Variants in PDE1A observed in about 807,000 individuals in gnomAD.
PDE1A encodes the protein phosphodiesterase 1A.
A neutral mutation model predicts 61.7 loss-of-function variants in PDE1A; 35 were observed. The ratio of observed to expected loss-of-function variants is 0.57; its 90% CI spans 0.43 to 0.75. PDE1A has a LOEUF of 0.75. Among genes scored for constraint, PDE1A ranks in the 30% least tolerant of loss-of-function variants. PDE1A has a pLI of 0.00. For missense variants in PDE1A, 597 were observed against 630.6 expected, an observed-to-expected ratio of 0.95 and a Z score of 0.57; for synonymous variants, 232 against 213.2, an observed-to-expected ratio of 1.09 and a Z score of -0.77.
chr2:182,496,232 T>C (rs1055303386), intron 2 of PDE1A, among the ~76,000 whole-genome samples: 1 of 152,140 alleles, frequency 6.6e-6, no homozygotes, highest in African/African-American at 2.4e-5. Flanking sequence ...TACAAAATAT[T>C]GTACTAGGCT....
chr2:182,223,758 GTTC>G, intron 7 of PDE1A, 103 bp downstream of exon 7: 1 of 639,036 alleles, frequency 1.6e-6, no homozygotes, highest in East Asian at 3.2e-5. Context: ...AATTAAACCT[GTTC>G]TTATTAGAAT....
the PDE1A span, among the ~76,000 whole-genome samples, chr2:182,636,452 G>T: frequency 2.0e-5 from 3 of 151,936 alleles, no homozygotes; most frequent in Admixed American, 6.6e-5. Flanking sequence ...GTTCAGAAAC[G>T]CTGCTTTCAA....
intron 13 of PDE1A, among the ~76,000 whole-genome samples, chr2:182,177,356 A>G (rs2125353580): frequency 6.6e-6 from 1 of 151,908 alleles, no homozygotes; most frequent in South Asian, 2.1e-4. Context: ...TATTGCCACA[A>G]TTTCAGATCC....
intron 1 of PDE1A, 85 bp from the exon 2 acceptor site, chr2:182,264,499 A>G (rs1051240680): frequency 2.2e-6 from 2 of 900,188 alleles, no homozygotes; most frequent in Non-Finnish European, 3.4e-6. Flanking sequence ...AAATACACTC[A>G]GTTAAGATTT....
chr2:182,441,688 GGAGA>G (rs1473561801), intron 2 of PDE1A, among the ~76,000 whole-genome samples: 8 of 151,950 alleles, frequency 5.3e-5, no homozygotes, highest in African/African-American at 1.9e-4. Flanking sequence ...CCAGGGCTGG[GGAGA>G]GAGAAAGTGC....
chr2:182,665,098 T>G, the PDE1A span, among the ~76,000 whole-genome samples: 1 of 152,188 alleles, frequency 6.6e-6, no homozygotes, highest in Non-Finnish European at 1.5e-5. Flanking sequence ...TATAAACATA[T>G]AGACAATTGA....
chr2:182,391,332 G>T (rs562747415), intron 1 of PDE1A, among the ~76,000 whole-genome samples: 2 of 152,166 alleles, frequency 1.3e-5, no homozygotes, highest in South Asian at 2.1e-4. Context: ...GTTAAAAAAC[G>T]TTCTAATAGT....
chr2:182,341,979 G>A (rs1241758609), intron 1 of PDE1A, among the ~76,000 whole-genome samples: 3 of 152,012 alleles, frequency 2.0e-5, no homozygotes, highest in Non-Finnish European at 4.4e-5. Context: ...ATGTTGCCCA[G>A]GCTGATCTGG....
Position 182,451,248 on chromosome 2 carries a change from G to T in PDE1A, c.101+71028C>A, listed in dbSNP as rs868650575. 2.4e-4 allele frequency among the ~76,000 whole-genome samples: 16 copies of T among 67,202 alleles called. 5 individuals are homozygous for T. The highest frequency in any genetic ancestry group is 6.0e-4 in the Admixed American group (4 of 6,700). 44.1% of individuals were successfully genotyped at this position (67,202 alleles called of 152,430 possible). Reference sequence around the variant, plus strand: ...AAAAAAATTAGCCGGGCGTAGTGGCGGGCGCCTGTAGTCCCAGCTACTTGG... The same window carrying T: ...AAAAAAATTAGCCGGGCGTAGTGGCTGGCGCCTGTAGTCCCAGCTACTTGG... On this transcript the variant is annotated intron_variant, in intron 2 of 14. Transcript: ENST00000410103.
At chr2:182,522,185 A>G (rs1690607966) in intron 2 of PDE1A, 1 of 1,039,798 alleles carries the variant, frequency 9.6e-7, no homozygotes, top group African/African-American at 1.6e-5. Context: ...TTCTAAAGGA[A>G]ACTAGCCCAC....
At chr2:182,296,192 A>G (rs1694871315) in intron 1 of PDE1A, among the ~76,000 whole-genome samples, 2 of 152,184 alleles carry the variant, frequency 1.3e-5, no homozygotes, top group South Asian at 4.1e-4. Context: ...TACTGCCTTG[A>G]TTTGACATTT....
intron 1 of PDE1A, among the ~76,000 whole-genome samples, chr2:182,358,855 G>A (rs866767249): frequency 6.6e-6 from 1 of 152,100 alleles, no homozygotes; most frequent in African/African-American, 2.4e-5. Context: ...GTTATTAGAA[G>A]AGATGGCATT....
chr2:182,671,358 T>TC, the PDE1A span, among the ~76,000 whole-genome samples: 1 of 129,828 alleles, frequency 7.7e-6, no homozygotes, highest in African/African-American at 2.8e-5. Context: ...TTTTTTTTTT[T>TC]TTTGTATTTT....
chr2:182,581,032 C>T, the PDE1A span, among the ~76,000 whole-genome samples: 1 of 152,126 alleles, frequency 6.6e-6, no homozygotes, highest in East Asian at 1.9e-4. Context: ...TATCAGATAA[C>T]ATCTAATAAG....
At chr2:182,678,259 C>T in the PDE1A span, among the ~76,000 whole-genome samples, 1,329 of 152,216 alleles carry the variant, frequency 8.7e-3, 14 homozygotes, top group African/African-American at 0.03. Flanking sequence ...CCTGTCTCTA[C>T]TAAAAATACA....
At chr2:182,481,202 G>C (rs1449946793) in intron 2 of PDE1A, among the ~76,000 whole-genome samples, 2 of 151,920 alleles carry the variant, frequency 1.3e-5, no homozygotes, top group African/African-American at 4.8e-5. Flanking sequence ...GCACTACTTT[G>C]TGTGAAAAGG....
chr2:182,512,853 C>T (rs1559530189), intron 2 of PDE1A, among the ~76,000 whole-genome samples: 1 of 152,146 alleles, frequency 6.6e-6, no homozygotes, highest in South Asian at 2.1e-4. Context: ...GAAAGAATCT[C>T]ACAGCTCAAA....
At chr2:182,212,832 G>T (rs1228336158) in intron 7 of PDE1A, among the ~76,000 whole-genome samples, 3 of 152,260 alleles carry the variant, frequency 2.0e-5, no homozygotes, top group Non-Finnish European at 4.4e-5. Flanking sequence ...CGGCAGGGAG[G>T]CCAGGGGAGG....
chr2:182,641,080 T>C, the PDE1A span, among the ~76,000 whole-genome samples: 1 of 146,742 alleles, frequency 6.8e-6, no homozygotes, highest in African/African-American at 2.5e-5. Flanking sequence ...ACAAACCATG[T>C]AGTAAGTTTT....
Sources: allele counts gnomAD v4.1 joint callset (sites outside exome capture counted in the v4.1 genomes callset), GRCh38; gene constraint gnomAD v4.1.1; transcripts MANE v1.5; gene names NCBI Gene and HGNC (gene_info 2026-07-23, HGNC 2026-07-21).